The following TTLL12 variants were observed in gnomAD, a reference collection of about 807,000 sequenced individuals.
TTLL12 encodes the protein tubulin--tyrosine ligase-like protein 12.
In TTLL12, 77 loss-of-function variants were observed where a neutral mutation model predicts 79.6. The observed-to-expected ratio is 0.97, with a 90% confidence interval of 0.81 to 1.17. The LOEUF is 1.17. Ranked by LOEUF, TTLL12 falls within the 50% of genes most tolerant of loss-of-function variation. The pLI is 0.00. For missense variants in TTLL12, 969 were observed against 895.9 expected, an observed-to-expected ratio of 1.08 and a Z score of -1.04; for synonymous variants, 437 against 376.1, an observed-to-expected ratio of 1.16 and a Z score of -1.87.
chr22:43,181,394 AAAAGC>A (rs1343789812), intron 2 of TTLL12, among the ~76,000 whole-genome samples: 1 of 152,132 alleles, frequency 6.6e-6, no homozygotes, highest in African/African-American at 2.4e-5. Context: ...GCTGCTCAAC[AAAAGC>A]AAAGGCCCTA....
chr22:43,176,283 C>A, intron 6 of TTLL12, 37 bp downstream of exon 6: 1 of 1,490,052 alleles, frequency 6.7e-7, no homozygotes, highest in African/African-American at 1.4e-5. Context: ...GGACTGCGGA[C>A]AAGTCCCAGC....
rs1931681404 is a variant in TTLL12 at position 43,168,686 on chromosome 22, G to A, written c.1783+88C>T. The A allele has an allele frequency of 7.3e-6, 11 of 1,512,422 alleles. No homozygotes were observed. The South Asian group carries it at 8.4e-5, about 12-fold the overall frequency. 93.7% of individuals were successfully genotyped at this position (1,512,422 alleles called of 1,614,324 possible). A position where few individuals can be genotyped will look rare whatever the true frequency, so the allele number is the denominator to read the frequency against. On this transcript the variant is annotated intron_variant, in intron 13 of 13. Transcript: ENST00000216129. Reference sequence around the variant, plus strand: ...CTGATTCAAGCCAGAGGACAGCCTGGGGCAGCTGCCTGCCTTCTCCAGGCT... The same window carrying A: ...CTGATTCAAGCCAGAGGACAGCCTGAGGCAGCTGCCTGCCTTCTCCAGGCT...
chr22:43,173,621 T>A, intron 9 of TTLL12, 94 bp downstream of exon 9: 1 of 1,221,546 alleles, frequency 8.2e-7, no homozygotes, highest in South Asian at 1.3e-5. Context: ...CCTGGACCTG[T>A]CCATAAGGAC....
Position 43,175,926 on chromosome 22 carries a change from G to C in TTLL12, c.917+394C>G, listed in dbSNP as rs145841800. On this transcript the variant is annotated intron_variant, in intron 6 of 13. Coordinates refer to ENST00000216129, the MANE Select transcript of TTLL12 (RefSeq NM_015140.4). Reference sequence around the variant, plus strand: ...TGGTGTTGAACTCCCGATCTCAGGCGATCTGCCTGGTTTGGCCTCCCAAAG... The same window carrying C: ...TGGTGTTGAACTCCCGATCTCAGGCCATCTGCCTGGTTTGGCCTCCCAAAG... Among the ~76,000 whole-genome samples the C allele has an allele frequency of 7.6e-4, 114 of 149,646 alleles. 1 individual carries two copies. The highest frequency in any genetic ancestry group is 2.7e-3 in the African/African-American group (110 of 40,526).
At chr22:43,173,630 A>T (rs1475136244) in intron 9 of TTLL12, 85 bp downstream of exon 9, 1 of 1,317,940 alleles carries the variant, frequency 7.6e-7, no homozygotes, top group Admixed American at 2.2e-5. Flanking sequence ...GTCCATAAGG[A>T]CCATGATGCT....
chr22:43,182,085 C>T (rs993604393), intron 2 of TTLL12, among the ~76,000 whole-genome samples: 2 of 152,186 alleles, frequency 1.3e-5, no homozygotes, highest in African/African-American at 4.8e-5. Context: ...AAATCCAAGA[C>T]TCTGGATCCC....
chr22:43,186,842 C>A, intron 1 of TTLL12, 51 bp downstream of exon 1: 1 of 1,239,836 alleles, frequency 8.1e-7, no homozygotes. Flanking sequence ...CGCGGGCTCC[C>A]GCCGCGCTCC....
In TTLL12 at chr22:43,167,178, C is replaced by T. The variant is rs754184645; in HGVS notation, c.*830G>A. On this transcript the variant is annotated 3_prime_UTR_variant, in exon 14 of 14. Transcript: ENST00000216129. ...TCCTTTTCTGTCTGGCGCTCCACCG[C>T]CCACAATCAGCCCCAGCCCCAGGCG... 1 of 532,160 alleles carries T rather than the reference C, an allele frequency of 1.9e-6. No individual in the cohort carries two copies. The highest frequency in any genetic ancestry group is 1.4e-5 in the South Asian group (1 of 71,208). 33.0% of individuals were successfully genotyped at this position (532,160 alleles called of 1,614,324 possible). A position where few individuals can be genotyped will look rare whatever the true frequency, so the allele number is the denominator to read the frequency against.
At chr22:43,185,026 G>A (rs770633494) in intron 1 of TTLL12, among the ~76,000 whole-genome samples, 1 of 151,824 alleles carries the variant, frequency 6.6e-6, no homozygotes, top group East Asian at 1.9e-4. Context: ...TCAGGAATTC[G>A]AGATCAGCCT....
At chr22:43,172,601 C>T (rs899494449) in intron 9 of TTLL12, 47 bp from the exon 10 acceptor site, 1 of 1,609,904 alleles carries the variant, frequency 6.2e-7, no homozygotes. Context: ...ACAGAGCCCC[C>T]TGGGGCTCCC....
chr22:43,169,792 T>C, intron 11 of TTLL12: 1 of 630,996 alleles, frequency 1.6e-6, no homozygotes, highest in Non-Finnish European at 2.9e-6. Context: ...TCTCTGAGCC[T>C]GTTTCCTCCT....
At chr22:43,186,352 G>A (rs1932186389) in intron 1 of TTLL12, among the ~76,000 whole-genome samples, 1 of 152,206 alleles carries the variant, frequency 6.6e-6, no homozygotes, top group Admixed American at 6.5e-5. Flanking sequence ...GAACCTAGAG[G>A]CTTCTCAATC....
At chr22:43,168,200 C>T in intron 13 of TTLL12, 41 bp from the exon 14 acceptor site, 1 of 1,602,358 alleles carries the variant, frequency 6.2e-7, no homozygotes, top group Non-Finnish European at 8.5e-7. Flanking sequence ...GGCTCGTTGG[C>T]CTCCACTCTG....
chr22:43,177,837 T>C (rs2147072604), intron 5 of TTLL12, among the ~76,000 whole-genome samples: 1 of 152,384 alleles, frequency 6.6e-6, no homozygotes, highest in South Asian at 2.1e-4. Context: ...AAATGTTTAC[T>C]GTTTTAAGGT....
intron 2 of TTLL12, among the ~76,000 whole-genome samples, chr22:43,181,436 G>A (rs1284064739): frequency 1.3e-5 from 2 of 152,190 alleles, no homozygotes; most frequent in East Asian, 1.9e-4. Context: ...GCACACAGAC[G>A]GCACAAGGGC....
chr22:43,168,063 A>T lies in TTLL12; in HGVS notation c.1880T>A (p.Phe627Tyr). ...GGGCTGGTCCAGAAACAAGGTGCTG[A>T]AGACGTCGTTGAAGAAGGTGGGGTG... ...RYHPTFFNDVFSTLFLDQPGG... is the reference protein window; with the variant it reads ...RYHPTFFNDVYSTLFLDQPGG... Residue 627 changes from phenylalanine to tyrosine, a missense_variant, in exon 14 of 14, where the codon TTC becomes TAC. Transcript: ENST00000216129. The T allele has an allele frequency of 1.2e-6, 2 of 1,614,160 alleles. No individual in the cohort carries two copies. Among genetic ancestry groups the T allele is most frequent in the African/African-American group, 1.3e-5 (1 of 75,070 alleles).
chr22:43,178,559 G>A (rs1931972999), intron 5 of TTLL12, among the ~76,000 whole-genome samples: 1 of 152,012 alleles, frequency 6.6e-6, no homozygotes, highest in Non-Finnish European at 1.5e-5. Context: ...CTGATCTTGT[G>A]ATCCGCCCGC....
intron 8 of TTLL12, 111 bp from the exon 9 acceptor site, chr22:43,173,937 G>C (rs974297077): frequency 7.6e-6 from 8 of 1,055,628 alleles, no homozygotes; most frequent in Non-Finnish European, 1.1e-5. Context: ...TGGGAGCTGA[G>C]GGGGCACCAG....
chr22:43,174,278 A>G lies in TTLL12; in HGVS notation c.1160T>C (p.Leu387Pro). The change falls in exon 8 of 14, where the codon CTG (leucine) becomes CCG (proline). Residue 387 changes from leucine (L) to proline (P), a missense_variant. Transcript: ENST00000216129. ...RAGGPEGPPW[L>P]PRTFNLRTEL... is the part of the protein sequence containing the mutation. ...AGTGCGCAGGTTGAAGGTTCGGGGC[A>G]GCCAGGGTGGGCCCTCGGGGCCACC... is the stretch of plus-strand genomic sequence containing the variant. 1.9e-6 allele frequency: 3 copies of G among 1,611,060 alleles called. No individual in the cohort carries two copies. Among genetic ancestry groups the G allele is most frequent in the Non-Finnish European group, 2.5e-6 (3 of 1,179,786 alleles).
Sources: gnomAD v4.1 joint callset for allele counts (sites outside exome capture counted in the v4.1 genomes callset) on GRCh38, gnomAD v4.1.1 for gene constraint, MANE v1.5 for transcripts, NCBI Gene and HGNC (gene_info 2026-07-23, HGNC 2026-07-21) for gene names.